IQCC: variants seen among roughly 807,000 people sequenced by gnomAD.
IQCC encodes IQ domain-containing protein C.
IQCC carries 23 observed loss-of-function variants against 27.0 expected under a neutral mutation model. That is an observed-to-expected ratio of 0.85 (90% CI 0.61 to 1.21). IQCC has a LOEUF of 1.21. Among genes scored for constraint, IQCC ranks in the 50% most tolerant of loss-of-function variants. The pLI is 0.00. For synonymous variants in IQCC, 220 were observed against 217.2 expected, an observed-to-expected ratio of 1.01 and a Z score of -0.11; for missense variants, 552 against 562.3, an observed-to-expected ratio of 0.98 and a Z score of 0.19.
Position 32,207,464 on chromosome 1 carries a change from G to A in IQCC, c.783G>A (p.Leu261=), listed in dbSNP as rs1481416782. The A allele has an allele frequency of 1.2e-6, 2 of 1,613,534 alleles. No homozygotes were observed. The highest frequency in any genetic ancestry group is 2.7e-5 in the African/African-American group (2 of 74,900). ...VKSPHRSPGS[L]ATTQKNIAGA... Reference sequence around the variant, plus strand: ...CACCCCACAGATCCCCAGGAAGTTTGGCCACTACACAAAAAAACATTGCTG... The same window carrying A: ...CACCCCACAGATCCCCAGGAAGTTTAGCCACTACACAAAAAAACATTGCTG... The change falls in exon 5 of 5, where the codon TTG becomes TTA. Residue 261 remains leucine (L), a synonymous_variant. Transcript: ENST00000291358.
In IQCC at chr1:32,207,453, C is replaced by T; in HGVS notation, c.772C>T (p.Pro258Ser). The change falls in exon 5 of 5, where the codon CCA (proline) becomes TCA (serine). Residue 258 changes from proline (P) to serine (S), a missense_variant. Coordinates refer to ENST00000291358, the MANE Select transcript of IQCC (RefSeq NM_018134.3). ...CAGGGTCAAATCACCCCACAGATCC[C>T]CAGGAAGTTTGGCCACTACACAAAA... ...CHRVKSPHRS[P>S]GSLATTQKNI... is the part of the protein sequence containing the mutation. The T allele has an allele frequency of 1.2e-6, 2 of 1,613,764 alleles. No homozygotes were observed. Among genetic ancestry groups the T allele is most frequent in the Non-Finnish European group, 1.7e-6 (2 of 1,179,980 alleles).
chr1:32,207,028 A>G lies in IQCC; in HGVS notation c.466A>G (p.Ser156Gly), dbSNP rs749009538. 1.2e-6 allele frequency: 2 copies of G among 1,613,194 alleles called. No homozygotes were observed. Among genetic ancestry groups the G allele is most frequent in the Non-Finnish European group, 1.7e-6 (2 of 1,179,612 alleles). The change falls in exon 4 of 5, where the codon AGC becomes GGC. Residue 156 changes from serine (S) to glycine (G), a missense_variant. Physicochemically the swap from Ser to Gly is moderately conservative, Grantham distance 56. Transcript: ENST00000291358. ...PEATDQRLPHSQPQLQELQYH... is the reference protein window; with the variant it reads ...PEATDQRLPHGQPQLQELQYH... ...AGCCACAGATCAAAGACTGCCCCAC[A>G]GCCAACCTCAGCTTCAAGAGCTTCA... is the stretch of plus-strand genomic sequence containing the variant.
In IQCC at chr1:32,206,269, G is replaced by C. The variant is rs777178778; in HGVS notation, c.158G>C (p.Arg53Pro). The C allele has an allele frequency of 2.5e-6, 4 of 1,614,176 alleles. No homozygotes were observed. In the Admixed American group the frequency reaches 5.0e-5, roughly 20 times the overall value. The change falls in exon 2 of 5, where the codon CGC (arginine) becomes CCC (proline). Residue 53 changes from arginine to proline, a missense_variant. By Grantham distance (103) the Arg-to-Pro change is moderately radical. Transcript: ENST00000291358. ...DLGTLQWTEG[R>P]IPRPRFLPEK... ...GGCACGCTTCAGTGGACCGAGGGCCGCATTCCCAGGCCGCGATTCCTCCCA... is the reference window on the plus strand; with the variant it reads ...GGCACGCTTCAGTGGACCGAGGGCCCCATTCCCAGGCCGCGATTCCTCCCA...
chr1:32,206,914 G>T, intron 3 of IQCC, 88 bp from the exon 4 acceptor site: 1 of 1,393,560 alleles, frequency 7.2e-7, no homozygotes, highest in Non-Finnish European at 1.0e-6. Context: ...GCAGTGCAGG[G>T]GAGGGAGTTT....
chr1:32,207,863 C>A lies in IQCC; in HGVS notation c.1182C>A (p.Val394=). The A allele has an allele frequency of 6.2e-7, 1 of 1,614,124 alleles. No homozygotes were observed. The highest frequency in any genetic ancestry group is 8.5e-7 in the Non-Finnish European group (1 of 1,180,012). ...CCTTGGGGGGGCCAGAGCATAGTGTCCTCGATCTCTGGAGGACTAAACCAC... is the reference window on the plus strand; with the variant it reads ...CCTTGGGGGGGCCAGAGCATAGTGTACTCGATCTCTGGAGGACTAAACCAC... ...DGTLGGPEHS[V]LDLWRTKPPK... is the part of the protein sequence containing the mutation. Residue 394 remains valine, a synonymous_variant, in exon 5 of 5, where the codon GTC becomes GTA. Transcript: ENST00000291358.
At chr1:32,206,943 C>T in intron 3 of IQCC, 59 bp from the exon 4 acceptor site, 2 of 1,451,550 alleles carry the variant, frequency 1.4e-6, no homozygotes, top group Non-Finnish European at 1.9e-6. Flanking sequence ...TAAGGCTAGG[C>T]CATTTCCCAG....
Position 32,206,195 on chromosome 1 carries a change from C to T in IQCC, c.84C>T (p.Ser28=), listed in dbSNP as rs527257647. 1.9e-6 allele frequency: 3 copies of T among 1,613,938 alleles called. No homozygotes were observed. The highest frequency in any genetic ancestry group is 2.5e-6 in the Non-Finnish European group (3 of 1,179,810). ...RGFLVRRQFQ[S]LRAEYEAIVR... is the part of the protein sequence containing the mutation. ...TCTTGGTCCGACGCCAGTTCCAGAGCCTGCGAGCTGAGTATGAGGCGATTG... is the reference window on the plus strand; with the variant it reads ...TCTTGGTCCGACGCCAGTTCCAGAGTCTGCGAGCTGAGTATGAGGCGATTG... The change falls in exon 2 of 5, where the codon AGC becomes AGT. Residue 28 remains serine (S), a synonymous_variant. Transcript: ENST00000291358.
In IQCC at chr1:32,207,327, G is replaced by A. The variant is rs1243016437; in HGVS notation, c.646G>A (p.Ala216Thr). The A allele has an allele frequency of 3.1e-6, 5 of 1,613,926 alleles. No homozygotes were observed. Among genetic ancestry groups the A allele is most frequent in the Admixed American group, 1.7e-5 (1 of 59,990 alleles). Residue 216 changes from alanine to threonine, a missense_variant, in exon 5 of 5, where the codon GCC (alanine) becomes ACC (threonine). Transcript: ENST00000291358. ...PRVFLEHGEQ[A>T]CERDQSQPSA... ...CGTGTTCCTAGAACATGGGGAACAG[G>A]CCTGTGAGAGGGACCAGTCACAACC...
rs1430126240 is a variant in IQCC, at chr1:32,207,034, C to T, written c.472C>T (p.Pro158Ser). ...AGATCAAAGACTGCCCCACAGCCAA[C>T]CTCAGCTTCAAGAGCTTCAGTACCA... ...ATDQRLPHSQ[P>S]QLQELQYHRS... The change falls in exon 4 of 5, where the codon CCT becomes TCT. Residue 158 changes from proline to serine, a missense_variant. Transcript: ENST00000291358. 3.1e-6 allele frequency: 5 copies of T among 1,613,224 alleles called. No individual in the cohort carries two copies. Among genetic ancestry groups the T allele is most frequent in the Admixed American group, 1.7e-5 (1 of 59,784 alleles).
rs181951464 is a variant in IQCC, at chr1:32,208,329, T to C, written c.*247T>C. 4.8e-4 allele frequency: 213 copies of C among 446,070 alleles called. 3 individuals are homozygous for C. The East Asian group carries it at 7.7e-3, about 16-fold the overall frequency. 27.6% of individuals were successfully genotyped at this position (446,070 alleles called of 1,614,324 possible). ...TTTGTGGATAAGGGGCCGGGTGCAG[T>C]GGCTCACACCTGTAATCCCAGCACT... is the stretch of plus-strand genomic sequence containing the variant. On this transcript the variant is annotated 3_prime_UTR_variant, in exon 5 of 5. Coordinates refer to ENST00000291358, the MANE Select transcript of IQCC (RefSeq NM_018134.3).
intron 3 of IQCC, 55 bp from the exon 4 acceptor site, chr1:32,206,947 T>C: frequency 6.8e-7 from 1 of 1,470,184 alleles, no homozygotes; most frequent in South Asian, 1.2e-5. Context: ...GCTAGGCCAT[T>C]TCCCAGGGTC....
At chr1:32,206,903 G>A in intron 3 of IQCC, 99 bp from the exon 4 acceptor site, 2 of 1,387,976 alleles carry the variant, frequency 1.4e-6, no homozygotes, top group Non-Finnish European at 2.0e-6. Context: ...CACATGGTTG[G>A]GCAGTGCAGG....
At position 32,207,992 on chromosome 1, in the gene IQCC, GT is replaced by G; in HGVS notation, c.1312del (p.Ser438HisfsTer32). ...KQRTIPWRSK[S>X]PEILSSTKAG... Reference sequence around the variant, plus strand: ...AGAGGACTATACCATGGAGATCAAAGTCACCTGAGATTCTGTCTTCTACAAA... The same window carrying G: ...AGAGGACTATACCATGGAGATCAAAGCACCTGAGATTCTGTCTTCTACAAA... On this transcript the variant is annotated frameshift_variant, in exon 5 of 5. Transcript: ENST00000291358. LOFTEE classifies it low-confidence loss of function (END_TRUNC). 6.2e-7 allele frequency: 1 copy of G among 1,614,206 alleles called. No homozygotes were observed. The highest frequency in any genetic ancestry group is 8.5e-7 in the Non-Finnish European group (1 of 1,180,018).
chr1:32,206,400 C>T, intron 2 of IQCC, 103 bp downstream of exon 2: 1 of 1,596,880 alleles, frequency 6.3e-7, no homozygotes, highest in East Asian at 2.2e-5. Context: ...GTAGACTCAC[C>T]TCCTCACACC....
In IQCC at chr1:32,207,329, CTG is replaced by C; in HGVS notation, c.651_652del (p.Cys217Ter). ...TGTTCCTAGAACATGGGGAACAGGC[CTG>C]TGAGAGGGACCAGTCACAACCAAGC... Reference protein sequence around the residue: ...RVFLEHGEQACERDQSQPSAP... With the variant: ...RVFLEHGEQAXERDQSQPSAP... On this transcript the variant is annotated frameshift_variant, in exon 5 of 5. Coordinates refer to ENST00000291358, the MANE Select transcript of IQCC (RefSeq NM_018134.3). LOFTEE classifies it low-confidence loss of function (END_TRUNC). 6.2e-7 allele frequency: 1 copy of C among 1,614,048 alleles called. No homozygotes were observed. The highest frequency in any genetic ancestry group is 1.3e-5 in the African/African-American group (1 of 74,998).
intron 4 of IQCC, 37 bp from the exon 5 acceptor site, chr1:32,207,203 G>A: frequency 6.2e-7 from 1 of 1,609,724 alleles, no homozygotes; most frequent in African/African-American, 1.3e-5. Context: ...GCCCAAGCAG[G>A]CCTGCTTGGT....
chr1:32,206,424 C>T, intron 2 of IQCC, 85 bp from the exon 3 acceptor site: 1 of 1,604,032 alleles, frequency 6.2e-7, no homozygotes, highest in Non-Finnish European at 8.5e-7. Context: ...CTCCTTAACC[C>T]TCACCAACTT....
chr1:32,207,559 C>T lies in IQCC; in HGVS notation c.878C>T (p.Ala293Val). 6.2e-7 allele frequency: 1 copy of T among 1,612,344 alleles called. No individual in the cohort carries two copies. Among genetic ancestry groups the T allele is most frequent in the Non-Finnish European group, 8.5e-7 (1 of 1,179,172 alleles). ...TCGTCTATACCATCAAACAGCCAGG[C>T]CTTGGGGGACAGGCTCACCAAAGGG... ...PPSSIPSNSQ[A>V]LGDRLTKGPD... The change falls in exon 5 of 5, where the codon GCC (alanine) becomes GTC (valine). Residue 293 changes from alanine (A) to valine (V), a missense_variant. Ala to Val is a moderately conservative substitution (Grantham distance 64). Coordinates refer to ENST00000291358, the MANE Select transcript of IQCC (RefSeq NM_018134.3).
At position 32,208,084 on chromosome 1, in the gene IQCC, C is replaced by T; in HGVS notation, c.*2C>T. 1.3e-6 allele frequency: 2 copies of T among 1,595,160 alleles called. No individual in the cohort carries two copies. Among genetic ancestry groups the T allele is most frequent in the Non-Finnish European group, 1.7e-6 (2 of 1,170,938 alleles). On this transcript the variant is annotated 3_prime_UTR_variant, in exon 5 of 5. Coordinates refer to ENST00000291358, the MANE Select transcript of IQCC (RefSeq NM_018134.3). ...TGGAAAACAGAACCACCTGGCTAGACCCTAGGAAGCCAGGAGAGGATCAGG... is the reference window on the plus strand; with the variant it reads ...TGGAAAACAGAACCACCTGGCTAGATCCTAGGAAGCCAGGAGAGGATCAGG...
Sources: allele counts gnomAD v4.1 joint callset, GRCh38; gene constraint gnomAD v4.1.1; transcripts MANE v1.5; gene names NCBI Gene and HGNC (gene_info 2026-07-23, HGNC 2026-07-21).